PID1: variants seen among roughly 807,000 people sequenced by gnomAD.
PID1 encodes phosphotyrosine interaction domain containing 1, also known as PTB-containing, cubilin and LRP1-interacting protein.
PID1 carries 10 observed loss-of-function variants against 19.1 expected under a neutral mutation model. That is an observed-to-expected ratio of 0.52 (90% CI 0.32 to 0.89). The LOEUF (loss-of-function observed/expected upper bound fraction) is 0.89, where lower values mean the gene tolerates loss of function less well. Ranked by LOEUF, PID1 falls within the 40% of genes least tolerant of loss-of-function variation. PID1 has a pLI of 0.03. For missense variants in PID1, 248 were observed against 285.3 expected (o/e 0.87, Z 0.94); for synonymous variants, 130 against 116.0 (o/e 1.12, Z -0.78).
At chr2:229,184,930 TC>T (rs1221561497) in intron 1 of PID1, among the ~76,000 whole-genome samples, 3 of 140,570 alleles carry the variant, frequency 2.1e-5, no homozygotes, top group Admixed American at 7.4e-5. Context: ...TACATATGTA[TC>T]CCATATATAT....
intron 2 of PID1, among the ~76,000 whole-genome samples, chr2:229,107,419 C>T (rs752509516): frequency 8.0e-5 from 12 of 150,522 alleles, no homozygotes; most frequent in East Asian, 1.9e-4. Flanking sequence ...GTTTGGGAAA[C>T]GCCACAAAAT....
chr2:229,179,982 C>A (rs1453706283), intron 1 of PID1, among the ~76,000 whole-genome samples: 9 of 152,152 alleles, frequency 5.9e-5, no homozygotes, highest in Admixed American at 5.9e-4. Context: ...AGCACAAGAC[C>A]AAATCTGCAC....
chr2:229,030,698 T>C (rs1349651208), intron 2 of PID1, among the ~76,000 whole-genome samples: 1 of 152,144 alleles, frequency 6.6e-6, no homozygotes, highest in African/African-American at 2.4e-5. Flanking sequence ...TTCACTCCAA[T>C]GAAAACCGAT....
intron 2 of PID1, among the ~76,000 whole-genome samples, chr2:229,108,261 G>A (rs1248616152): frequency 1.3e-5 from 2 of 152,194 alleles, no homozygotes; most frequent in Non-Finnish European, 2.9e-5. Flanking sequence ...TGGCTTTAAT[G>A]TATTTTTTAA....
intron 1 of PID1, among the ~76,000 whole-genome samples, chr2:229,201,875 A>G (rs952452341): frequency 1.3e-5 from 2 of 151,900 alleles, no homozygotes; most frequent in African/African-American, 4.8e-5. Flanking sequence ...CTTATAATAA[A>G]CCATATTCAC....
At chr2:229,050,610 A>G (rs767136097) in intron 2 of PID1, among the ~76,000 whole-genome samples, 1 of 152,086 alleles carries the variant, frequency 6.6e-6, no homozygotes, top group Non-Finnish European at 1.5e-5. Context: ...AGCTGCGGCC[A>G]CTCTACCTAG....
intron 1 of PID1, among the ~76,000 whole-genome samples, chr2:229,257,136 C>T (rs376198052): frequency 1.3e-5 from 2 of 152,300 alleles, no homozygotes; most frequent in East Asian, 3.9e-4. Flanking sequence ...CCAAGCTCTT[C>T]CTCTAAAGGG....
At chr2:229,062,820 T>C (rs1244074272) in intron 2 of PID1, among the ~76,000 whole-genome samples, 1 of 152,018 alleles carries the variant, frequency 6.6e-6, no homozygotes, top group African/African-American at 2.4e-5. Flanking sequence ...CTGTTATTTG[T>C]CTGTTCGGAT....
At chr2:229,052,079 G>A (rs1454615498) in intron 2 of PID1, among the ~76,000 whole-genome samples, 1 of 152,056 alleles carries the variant, frequency 6.6e-6, no homozygotes, top group Non-Finnish European at 1.5e-5. Flanking sequence ...TCCTATCCAG[G>A]GGACATTGGA....
chr2:229,250,814 C>A (rs763300759), intron 1 of PID1, among the ~76,000 whole-genome samples: 1 of 152,084 alleles, frequency 6.6e-6, no homozygotes, highest in Admixed American at 6.5e-5. Flanking sequence ...CCCTTTACAG[C>A]GTCTTAGGAT....
intron 1 of PID1, among the ~76,000 whole-genome samples, chr2:229,234,036 A>G (rs1170783809): frequency 6.6e-6 from 1 of 152,214 alleles, no homozygotes; most frequent in Non-Finnish European, 1.5e-5. Context: ...TGTGTTGAAC[A>G]CCATATGCCA....
At chr2:229,164,326 A>T (rs1483425885) in intron 1 of PID1, among the ~76,000 whole-genome samples, 1 of 152,158 alleles carries the variant, frequency 6.6e-6, no homozygotes, top group East Asian at 1.9e-4. Flanking sequence ...ATTCAAGTAT[A>T]GCTGAATTGA....
intron 2 of PID1, among the ~76,000 whole-genome samples, chr2:229,061,601 T>C (rs966862483): frequency 2.0e-5 from 3 of 152,028 alleles, no homozygotes; most frequent in African/African-American, 7.2e-5. Context: ...TGTTTTATGG[T>C]TCCATATGAA....
chr2:229,039,884 T>C (rs1233451970), intron 2 of PID1, among the ~76,000 whole-genome samples: 1 of 152,192 alleles, frequency 6.6e-6, no homozygotes, highest in Non-Finnish European at 1.5e-5. Flanking sequence ...ATCAATATCA[T>C]ACCTAGGAAT....
chr2:229,191,869 A>G (rs560132329), intron 1 of PID1, among the ~76,000 whole-genome samples: 2 of 152,336 alleles, frequency 1.3e-5, no homozygotes, highest in East Asian at 3.9e-4. Context: ...CACTTTTACT[A>G]CCCAGGTGGC....
At chr2:229,151,285 G>T (rs377458662) in intron 2 of PID1, among the ~76,000 whole-genome samples, 4 of 152,000 alleles carry the variant, frequency 2.6e-5, no homozygotes, top group African/African-American at 4.8e-5. Context: ...GGAATCCGGT[G>T]GGGGGGAGCA....
intron 2 of PID1, among the ~76,000 whole-genome samples, chr2:229,121,421 G>A (rs547557041): frequency 6.6e-6 from 1 of 152,300 alleles, no homozygotes; most frequent in South Asian, 2.1e-4. Flanking sequence ...CATGTGCCTA[G>A]GAAGCACTTC....
At chr2:229,048,530 G>A (rs1158338219) in intron 2 of PID1, among the ~76,000 whole-genome samples, 1 of 152,118 alleles carries the variant, frequency 6.6e-6, no homozygotes, top group Non-Finnish European at 1.5e-5. Context: ...TGGCTAGAGC[G>A]AAGGACCAGC....
At chr2:229,163,095 G>A (rs1395295624) in intron 1 of PID1, among the ~76,000 whole-genome samples, 2 of 152,014 alleles carry the variant, frequency 1.3e-5, no homozygotes, top group Non-Finnish European at 1.5e-5. Flanking sequence ...TTACATATTA[G>A]TTCAACTTAT....
Sources: allele counts gnomAD v4.1 joint callset (sites outside exome capture counted in the v4.1 genomes callset), GRCh38; gene constraint gnomAD v4.1.1; transcripts MANE v1.5; gene names NCBI Gene and HGNC (gene_info 2026-07-23, HGNC 2026-07-21).